The following CUX1 variants were observed in gnomAD, a reference collection of about 807,000 sequenced individuals.
The protein encoded by CUX1 is protein CASP.
A neutral mutation model predicts 158.8 loss-of-function variants in CUX1; 31 were observed. That is an observed-to-expected ratio of 0.20 (90% CI 0.15 to 0.26). The LOEUF is 0.26. Ranked by LOEUF, CUX1 falls within the 10% of genes least tolerant of loss-of-function variation. CUX1 has a pLI of 1.00. For synonymous variants in CUX1, 879 were observed against 862.1 expected (o/e 1.02, Z -0.34); for missense variants, 1,589 against 2,014.6 (o/e 0.79, Z 4.04).
chr7:102,211,778 T>TAAA (rs66627422), intron 20 of CUX1, among the ~76,000 whole-genome samples: 2 of 77,476 alleles, frequency 2.6e-5, no homozygotes, highest in Non-Finnish European at 2.5e-5. Context: ...AAACTCCATC[T>TAAA]AAAAAAAAAA....
chr7:102,073,182 T>TTTTTTC, intron 4 of CUX1, among the ~76,000 whole-genome samples: 1 of 131,390 alleles, frequency 7.6e-6, no homozygotes, highest in Non-Finnish European at 1.6e-5. Context: ...TTTTTTTTTT[T>TTTTTTC]TTTTTTTCTG....
chr7:102,014,622 C>T (rs1060697), intron 2 of CUX1, among the ~76,000 whole-genome samples: 31,915 of 151,938 alleles, frequency 0.21, 3,871 homozygotes, highest in East Asian at 0.62. Flanking sequence ...CCTTTCTTTG[C>T]TTGGAAGTTT....
chr7:101,841,937 G>C (rs1238188780), intron 1 of CUX1, among the ~76,000 whole-genome samples: 2 of 152,134 alleles, frequency 1.3e-5, no homozygotes, highest in Non-Finnish European at 2.9e-5. Flanking sequence ...TTTCTGCTAA[G>C]TATTATTTTA....
chr7:102,017,594 C>A (rs546613822), intron 2 of CUX1, among the ~76,000 whole-genome samples: 90 of 151,998 alleles, frequency 5.9e-4, no homozygotes, highest in Admixed American at 5.4e-3. Flanking sequence ...CGCCTGTAAC[C>A]CAGCGCTTCG....
intron 11 of CUX1, among the ~76,000 whole-genome samples, chr7:102,180,937 TTTTA>T (rs1793010261): frequency 7.8e-6 from 1 of 128,860 alleles, no homozygotes; most frequent in Non-Finnish European, 1.6e-5. Flanking sequence ...TTTTATTTTA[TTTTA>T]TTTTATTTTA....
intron 3 of CUX1, among the ~76,000 whole-genome samples, chr7:102,030,822 G>A (rs1177517643): frequency 6.7e-6 from 1 of 149,512 alleles, no homozygotes; most frequent in African/African-American, 2.5e-5. Flanking sequence ...TGCCCCCACC[G>A]CCAGATAGCT....
intron 3 of CUX1, among the ~76,000 whole-genome samples, chr7:102,042,326 A>G (rs1400497492): frequency 2.0e-5 from 3 of 152,114 alleles, no homozygotes; most frequent in African/African-American, 7.2e-5. Context: ...GTCATTTTTC[A>G]AAGCCCACCT....
intron 1 of CUX1, among the ~76,000 whole-genome samples, chr7:101,835,375 A>G (rs117017065): frequency 6.6e-6 from 1 of 152,046 alleles, no homozygotes; most frequent in East Asian, 1.9e-4. Flanking sequence ...TGGGCATACC[A>G]GGTTTTGTGT....
chr7:102,070,442 C>T, intron 4 of CUX1, 25 bp downstream of exon 4: 1 of 1,578,784 alleles, frequency 6.3e-7, no homozygotes, highest in East Asian at 2.3e-5. Context: ...TAATGGCCCA[C>T]CAGTGGGGGG....
chr7:102,037,015 A>T (rs1335110544), intron 3 of CUX1, among the ~76,000 whole-genome samples: 1 of 152,124 alleles, frequency 6.6e-6, no homozygotes, highest in Non-Finnish European at 1.5e-5. Flanking sequence ...ACATGGTGAA[A>T]CCCTGTCTGT....
chr7:101,855,221 A>G (rs1243629983), intron 1 of CUX1, among the ~76,000 whole-genome samples: 1 of 152,230 alleles, frequency 6.6e-6, no homozygotes, highest in East Asian at 1.9e-4. Context: ...CCTGCCTCCC[A>G]GTGAAACCCT....
At chr7:101,937,459 G>A (rs1274769389) in intron 2 of CUX1, among the ~76,000 whole-genome samples, 1 of 152,094 alleles carries the variant, frequency 6.6e-6, no homozygotes, top group African/African-American at 2.4e-5. Context: ...GTGTGAGGAG[G>A]TTGTGGGGGG....
At chr7:101,891,928 A>G (rs1469375269) in intron 1 of CUX1, among the ~76,000 whole-genome samples, 3 of 152,234 alleles carry the variant, frequency 2.0e-5, no homozygotes, top group Non-Finnish European at 4.4e-5. Context: ...ATAAGTGTTA[A>G]ATGCAATGGT....
chr7:102,159,818 A>G (rs530888147), intron 9 of CUX1, among the ~76,000 whole-genome samples: 364 of 151,540 alleles, frequency 2.4e-3, no homozygotes, highest in Non-Finnish European at 4.6e-3. Context: ...CCAAGATCTA[A>G]GCCTGGGCAA....
chr7:101,959,727 CTGTT>C (rs1810234598), intron 2 of CUX1: 1 of 151,828 alleles, frequency 6.6e-6, no homozygotes, highest in Admixed American at 6.6e-5. Context: ...CTTTTCTTTC[CTGTT>C]TGTTCCTGCT....
At chr7:102,112,896 AT>A (rs1215809312) in intron 7 of CUX1, among the ~76,000 whole-genome samples, 1 of 151,836 alleles carries the variant, frequency 6.6e-6, no homozygotes, top group African/African-American at 2.4e-5. Context: ...AATTTTTATT[AT>A]TTTTTTTGAT....
intron 1 of CUX1, among the ~76,000 whole-genome samples, chr7:101,897,631 C>T (rs561048809): frequency 6.6e-6 from 1 of 152,294 alleles, no homozygotes; most frequent in Admixed American, 6.5e-5. Flanking sequence ...AGTATCACAG[C>T]GCAGGTCATG....
At chr7:102,262,797 C>T (rs573661548), downstream of CUX1, among the ~76,000 whole-genome samples, 17 of 152,222 alleles carry the variant, frequency 1.1e-4, no homozygotes, top group East Asian at 3.9e-4. Flanking sequence ...ATGCTTGCCG[C>T]GGGGTAGTAT....
intron 3 of CUX1, among the ~76,000 whole-genome samples, chr7:102,064,329 C>T (rs1175572311): frequency 6.6e-6 from 1 of 152,156 alleles, no homozygotes; most frequent in African/African-American, 2.4e-5. Context: ...GGATTACAGG[C>T]ATGAGCAACG....
Sources: allele counts gnomAD v4.1 joint callset (sites outside exome capture counted in the v4.1 genomes callset), GRCh38; gene constraint gnomAD v4.1.1; transcripts MANE v1.5; gene names NCBI Gene and HGNC (gene_info 2026-07-23, HGNC 2026-07-21).